TMEM132B: variants seen among roughly 807,000 people sequenced by gnomAD.
TMEM132B encodes transmembrane protein 132B.
TMEM132B carries 18 observed loss-of-function variants against 90.8 expected under a neutral mutation model. The ratio of observed to expected loss-of-function variants is 0.20; its 90% CI spans 0.14 to 0.29. The LOEUF is 0.29. TMEM132B is among the 10% of genes least tolerant of loss of function. The pLI is 1.00. For synonymous variants in TMEM132B, 504 were observed against 523.3 expected (o/e 0.96, Z 0.50); for missense variants, 1,096 against 1,326.8 (o/e 0.83, Z 2.70).
At chr12:125,595,411 G>A (rs185138584) in intron 5 of TMEM132B, among the ~76,000 whole-genome samples, 1 of 152,262 alleles carries the variant, frequency 6.6e-6, no homozygotes, top group African/African-American at 2.4e-5. Flanking sequence ...CTTTCCGGGG[G>A]ATTTGGGGAA....
At chr12:125,641,068 C>T (rs1443828269) in intron 5 of TMEM132B, among the ~76,000 whole-genome samples, 1 of 152,142 alleles carries the variant, frequency 6.6e-6, no homozygotes, top group Non-Finnish European at 1.5e-5. Context: ...GATTCAGATT[C>T]TGTCCTACTG....
In TMEM132B at chr12:125,654,082, C is replaced by G; in HGVS notation, c.2624C>G (p.Thr875Arg). Residue 875 changes from threonine to arginine, a missense_variant, in exon 9 of 9, where the codon ACA becomes AGA. Transcript: ENST00000682704. This position sits in a 1 kb window ranked among gnomAD's most constrained non-coding sequence, Gnocchi z 5.8. ...AAAAGTGGTGGTCCAGATGCCTTTA[C>G]AAGCTTCCCCACTCAAGGGAAGTCA... ...LLKSGGPDAF[T>R]SFPTQGKSPD... 1 of 1,614,166 alleles carries G rather than the reference C, an allele frequency of 6.2e-7. No homozygotes were observed. The highest frequency in any genetic ancestry group is 8.5e-7 in the Non-Finnish European group (1 of 1,180,038).
Position 125,414,274 on chromosome 12 carries a change from C to T in TMEM132B, c.960-1257C>T, listed in dbSNP as rs142478216. 3.3e-5 allele frequency among the ~76,000 whole-genome samples: 5 copies of T among 152,262 alleles called. No homozygotes were observed. In the East Asian group the frequency reaches 9.6e-4, roughly 29 times the overall value. On this transcript the variant is annotated intron_variant, in intron 2 of 8. Transcript: ENST00000682704. ...GATAGACAATTTGCATATATTTTCT[C>T]CCATTCTGTAGGTTGTCTTTTTGTT...
At chr12:125,609,556 T>A (rs1455063199) in intron 5 of TMEM132B, among the ~76,000 whole-genome samples, 2 of 151,680 alleles carry the variant, frequency 1.3e-5, no homozygotes, top group East Asian at 3.9e-4. Context: ...TAGCTCATGC[T>A]TGTAATCCCA....
chr12:125,203,657 AT>A (rs1190924700), intron 1 of TMEM132B, among the ~76,000 whole-genome samples: 4 of 152,352 alleles, frequency 2.6e-5, no homozygotes, highest in East Asian at 1.9e-4. Flanking sequence ...TATATAAAAA[AT>A]GTTTTCTCCA....
At chr12:125,347,755 C>A (rs1467519745) in intron 1 of TMEM132B, among the ~76,000 whole-genome samples, 1 of 152,208 alleles carries the variant, frequency 6.6e-6, no homozygotes, top group Non-Finnish European at 1.5e-5. Flanking sequence ...CTGCCCTTGG[C>A]CTGCTTTGCT....
intron 1 of TMEM132B, among the ~76,000 whole-genome samples, chr12:125,334,116 T>A (rs1444186344): frequency 6.6e-6 from 1 of 152,242 alleles, no homozygotes; most frequent in Non-Finnish European, 1.5e-5. Flanking sequence ...AAGGCCATTC[T>A]GAAAAAGAAA....
intron 3 of TMEM132B, among the ~76,000 whole-genome samples, chr12:125,449,305 C>G (rs1881089612): frequency 6.6e-6 from 1 of 152,094 alleles, no homozygotes; most frequent in African/African-American, 2.4e-5. Flanking sequence ...GTCAGTTTAT[C>G]TATTTTGTCT....
rs1276360780 is a variant in TMEM132B, at chr12:125,657,474, A to G, written c.*2764A>G. Reference sequence around the variant, plus strand: ...CTATTTCTCATGAAATAATGTCATTAAAGTATTTCCTCCTCTAAATATTTC... The same window carrying G: ...CTATTTCTCATGAAATAATGTCATTGAAGTATTTCCTCCTCTAAATATTTC... On this transcript the variant is annotated 3_prime_UTR_variant, in exon 9 of 9. Transcript: ENST00000682704. The G allele has an allele frequency of 6.6e-6, 1 of 152,146 alleles. No homozygotes were observed. Among genetic ancestry groups the G allele is most frequent in the African/African-American group, 2.4e-5 (1 of 41,424 alleles). The allele number at this position is 152,146 out of a possible 1,614,324, so 9.4% of individuals were successfully genotyped here. A position where few individuals can be genotyped will look rare whatever the true frequency, so the allele number is the denominator to read the frequency against.
At chr12:125,528,288 A>T (rs1159107225) in intron 4 of TMEM132B, among the ~76,000 whole-genome samples, 1 of 152,136 alleles carries the variant, frequency 6.6e-6, no homozygotes, top group African/African-American at 2.4e-5. Context: ...CCCTTCAACG[A>T]CTGTTCTTAA....
rs562372260 is a variant in TMEM132B, at chr12:125,460,457, A to G, written c.1106+44780A>G. On this transcript the variant is annotated intron_variant, in intron 3 of 8. Transcript: ENST00000682704. This position sits in a 1 kb window ranked among gnomAD's most constrained non-coding sequence, Gnocchi z 4.4. ...CAGTGAGCCGAGATCATGCCATTGC[A>G]CTCCAGCCTGGGTGACAGAGCAAGA... 6.6e-6 allele frequency among the ~76,000 whole-genome samples: 1 copy of G among 152,236 alleles called. No individual in the cohort carries two copies. The highest frequency in any genetic ancestry group is 1.9e-4 in the East Asian group (1 of 5,178).
At chr12:125,298,751 T>C (rs1381129162) in intron 1 of TMEM132B, among the ~76,000 whole-genome samples, 2 of 151,238 alleles carry the variant, frequency 1.3e-5, no homozygotes, top group Non-Finnish European at 2.9e-5. Flanking sequence ...TTTTTATTTT[T>C]GAGACGGGGT....
chr12:125,345,041 G>A (rs10161299), intron 1 of TMEM132B, among the ~76,000 whole-genome samples: 11,068 of 152,080 alleles, frequency 0.073, 1,312 homozygotes, highest in African/African-American at 0.25. Context: ...GATTATTCCC[G>A]CGGTACCCAG....
chr12:125,480,293 C>A (rs1882003613), intron 3 of TMEM132B, among the ~76,000 whole-genome samples: 1 of 152,028 alleles, frequency 6.6e-6, no homozygotes, highest in South Asian at 2.1e-4. Flanking sequence ...ACACAAAAAA[C>A]CCTTCAAAAA....
intron 3 of TMEM132B, among the ~76,000 whole-genome samples, chr12:125,515,312 CAT>C (rs554319839): frequency 5.9e-4 from 90 of 151,920 alleles, no homozygotes; most frequent in Admixed American, 1.0e-3. Flanking sequence ...ACACTATTCA[CAT>C]GTTCTCTTAC....
chr12:125,424,302 T>C (rs991685766), intron 3 of TMEM132B, among the ~76,000 whole-genome samples: 1 of 152,216 alleles, frequency 6.6e-6, no homozygotes, highest in Non-Finnish European at 1.5e-5. Flanking sequence ...AAGTTCTGGA[T>C]GCTTTGGTGA....
At chr12:125,287,974 TCTC>T (rs1875411016) in intron 1 of TMEM132B, among the ~76,000 whole-genome samples, 1 of 152,026 alleles carries the variant, frequency 6.6e-6, no homozygotes, top group African/African-American at 2.4e-5. Context: ...TTCAAGCGAT[TCTC>T]CTGCTTCAGT....
intron 2 of TMEM132B, among the ~76,000 whole-genome samples, chr12:125,374,502 T>C (rs1878415694): frequency 6.6e-6 from 1 of 152,124 alleles, no homozygotes; most frequent in Non-Finnish European, 1.5e-5. Flanking sequence ...GACAGTCCCT[T>C]GAGTCCTGGA....
At chr12:125,330,333 CTT>C (rs75180932) in intron 1 of TMEM132B, among the ~76,000 whole-genome samples, 64,146 of 124,172 alleles carry the variant, frequency 0.52, 15,115 homozygotes, top group East Asian at 0.64. Flanking sequence ...TAAGGGGTTT[CTT>C]TTTTTTTTTT....
Sources: gnomAD v4.1 joint callset for allele counts (sites outside exome capture counted in the v4.1 genomes callset) on GRCh38, gnomAD v4.1.1 for gene constraint, Gnocchi (gnomAD v3.1) non-coding constraint, MANE v1.5 for transcripts, NCBI Gene and HGNC (gene_info 2026-07-23, HGNC 2026-07-21) for gene names.